SULF1: variants seen among roughly 807,000 people sequenced by gnomAD.
The protein encoded by SULF1 is sulfatase 1.
In SULF1, 46 loss-of-function variants were observed where a neutral mutation model predicts 110.5. The observed-to-expected ratio is 0.42, with a 90% CI of 0.33 to 0.53. The LOEUF (loss-of-function observed/expected upper bound fraction) is 0.53. Ranked by LOEUF, SULF1 falls within the 20% of genes least tolerant of loss-of-function variation. The probability of loss-of-function intolerance (pLI) is 0.12; values close to 1 mark genes in which losing one functional copy is unlikely to be tolerated. For synonymous variants in SULF1, 371 were observed against 387.1 expected, an observed-to-expected ratio of 0.96 and a Z score of 0.49; for missense variants, 941 against 1,094.2, an observed-to-expected ratio of 0.86 and a Z score of 1.98.
intron 5 of SULF1, among the ~76,000 whole-genome samples, chr8:69,568,922 G>A (rs185108468): frequency 6.6e-6 from 1 of 152,254 alleles, no homozygotes; most frequent in African/African-American, 2.4e-5. Context: ...AAAGCTAGGA[G>A]ATGCGTTATT....
intron 6 of SULF1, among the ~76,000 whole-genome samples, chr8:69,578,768 G>T (rs1395912822): frequency 6.6e-6 from 1 of 151,822 alleles, no homozygotes; most frequent in Non-Finnish European, 1.5e-5. Flanking sequence ...TTTTCCCCAG[G>T]GTTTAGACAC....
chr8:69,653,669 G>A (rs1812518836), intron 22 of SULF1, among the ~76,000 whole-genome samples: 1 of 152,154 alleles, frequency 6.6e-6, no homozygotes, highest in Non-Finnish European at 1.5e-5. Context: ...CAATCTCCAG[G>A]CCCCTGTCCA....
upstream of SULF1, among the ~76,000 whole-genome samples, chr8:69,490,469 A>G (rs1809891253): frequency 6.6e-6 from 1 of 152,132 alleles, no homozygotes; most frequent in Non-Finnish European, 1.5e-5. Flanking sequence ...CATTGTCTCA[A>G]ACAAAGTCTT....
At chr8:69,508,684 T>C (rs1233159610) in intron 3 of SULF1, among the ~76,000 whole-genome samples, 1 of 152,192 alleles carries the variant, frequency 6.6e-6, no homozygotes, top group Non-Finnish European at 1.5e-5. Context: ...ATTACTAGGT[T>C]TTAAATTTTT....
Position 69,575,769 on chromosome 8 carries a change from T to A in SULF1, c.173-201T>A, listed in dbSNP as rs554283568. Among the ~76,000 whole-genome samples the A allele has an allele frequency of 1.2e-4, 18 of 152,306 alleles. No individual in the cohort carries two copies. In the South Asian group the frequency reaches 3.5e-3, roughly 30 times the overall value. ...TACAGGGAGGAGAAGTGTATGTTTA[T>A]TATTCTGCAAAATACTTGAGATGGT... is the stretch of plus-strand genomic sequence containing the variant. On this transcript the variant is annotated intron_variant, in intron 5 of 22. Coordinates refer to ENST00000402687, the MANE Select transcript of SULF1 (RefSeq NM_001128205.2).
rs561396712 is a variant in SULF1, at chr8:69,478,436, C to T, written c.-391+11486C>T. Among the ~76,000 whole-genome samples, 10 of 152,280 alleles carry T rather than the reference C, an allele frequency of 6.6e-5. No individual in the cohort carries two copies. In the East Asian group the frequency reaches 1.9e-3, roughly 29 times the overall value. ...GATCTTTTCCACTATGACCATCCCA[C>T]TCCCCCTATACACTTTCTGCTCTTT... On this transcript the variant is annotated intron_variant, in intron 1 of 22. Transcript: ENST00000260128.
intron 5 of SULF1, among the ~76,000 whole-genome samples, chr8:69,568,291 CCTAT>C (rs1429968196): frequency 2.0e-5 from 3 of 152,212 alleles, no homozygotes; most frequent in Admixed American, 1.3e-4. Context: ...ATAAAACAAT[CCTAT>C]CTGTTTATCT....
At chr8:69,615,926 T>C (rs974692093) in intron 13 of SULF1, among the ~76,000 whole-genome samples, 1 of 152,078 alleles carries the variant, frequency 6.6e-6, no homozygotes, top group African/African-American at 2.4e-5. Context: ...TTTGAATGCA[T>C]TGTGATTATA....
chr8:69,476,116 T>G (rs1291933272), intron 1 of SULF1, among the ~76,000 whole-genome samples: 2 of 152,194 alleles, frequency 1.3e-5, no homozygotes, highest in Non-Finnish European at 2.9e-5. Flanking sequence ...AAGTTGCCTA[T>G]GCTCACAAAC....
chr8:69,592,872 C>G, intron 8 of SULF1: 1 of 973,508 alleles, frequency 1.0e-6, no homozygotes, highest in Non-Finnish European at 1.2e-6. Context: ...TCTTGACAAG[C>G]TAAGACTCCC....
At chr8:69,565,863 C>T (rs544043006) in intron 5 of SULF1, among the ~76,000 whole-genome samples, 6 of 152,294 alleles carry the variant, frequency 3.9e-5, no homozygotes, top group African/African-American at 9.6e-5. Flanking sequence ...TGCCATCTCC[C>T]CAAAGGTGTC....
At chr8:69,541,349 C>T (rs73683951) in intron 3 of SULF1, among the ~76,000 whole-genome samples, 2,099 of 152,250 alleles carry the variant, frequency 0.014, 43 homozygotes, top group African/African-American at 0.048. Flanking sequence ...GGCAGGTAAG[C>T]CTGCCAGTGT....
chr8:69,532,112 C>T (rs1439617026), intron 3 of SULF1, among the ~76,000 whole-genome samples: 2 of 152,094 alleles, frequency 1.3e-5, no homozygotes, highest in East Asian at 1.9e-4. Context: ...TATTCAAGAA[C>T]GTTGAGAAAC....
At chr8:69,597,942 C>G (rs1807471711) in intron 8 of SULF1, among the ~76,000 whole-genome samples, 1 of 152,044 alleles carries the variant, frequency 6.6e-6, no homozygotes, top group African/African-American at 2.4e-5. Context: ...GGCAAAAAAC[C>G]CTTTTTGAGG....
At position 69,481,387 on chromosome 8, in the gene SULF1, G is replaced by A. The variant is rs149384172; in HGVS notation, c.-390-14378G>A. Among the ~76,000 whole-genome samples, 301 of 152,162 alleles carry A rather than the reference G, an allele frequency of 2.0e-3. 1 individual carries two copies. Among genetic ancestry groups the A allele is most frequent in the African/African-American group, 6.8e-3 (283 of 41,540 alleles). The stretch of plus-strand genomic sequence containing the variant: ...TAATAGTGAATGCTGTTGAAAAAGG[G>A]ATTCTATGAAAGTTATTTTTTGATC... On this transcript the variant is annotated intron_variant, in intron 1 of 22. Transcript: ENST00000260128.
chr8:69,599,317 C>T (rs1807591312), intron 8 of SULF1, among the ~76,000 whole-genome samples: 2 of 152,210 alleles, frequency 1.3e-5, no homozygotes, highest in Admixed American at 1.3e-4. Context: ...AACTGTTGCT[C>T]ATTCTGTGAG....
intron 8 of SULF1, among the ~76,000 whole-genome samples, chr8:69,595,223 G>T (rs1441794851): frequency 6.6e-6 from 1 of 152,138 alleles, no homozygotes; most frequent in African/African-American, 2.4e-5. Flanking sequence ...AAGGTCATGT[G>T]AGTATTTAGG....
At chr8:69,574,908 G>C (rs1563545132) in intron 5 of SULF1, among the ~76,000 whole-genome samples, 1 of 152,222 alleles carries the variant, frequency 6.6e-6, no homozygotes, top group Non-Finnish European at 1.5e-5. Context: ...GGGGCTAACT[G>C]TGGCTTTTTG....
intron 13 of SULF1, among the ~76,000 whole-genome samples, chr8:69,613,970 A>T (rs1866898): frequency 0.68 from 103,700 of 151,756 alleles, 35,715 homozygotes; most frequent in Admixed American, 0.74. Context: ...AAAAAAAAAA[A>T]AATAATAAAA....
Sources: gnomAD v4.1 joint callset for allele counts (sites outside exome capture counted in the v4.1 genomes callset) on GRCh38, gnomAD v4.1.1 for gene constraint, MANE v1.5 for transcripts, NCBI Gene and HGNC (gene_info 2026-07-23, HGNC 2026-07-21) for gene names.